The following PTPN13 variants were observed in gnomAD, a reference collection of about 807,000 sequenced individuals.
PTPN13 encodes the protein protein tyrosine phosphatase non-receptor type 13.
In PTPN13, 191 loss-of-function variants were observed where a neutral mutation model predicts 284.0. The observed-to-expected ratio is 0.67, with a 90% CI of 0.60 to 0.76. The LOEUF (loss-of-function observed/expected upper bound fraction) is 0.76. Ranked by LOEUF, PTPN13 falls within the 30% of genes least tolerant of loss-of-function variation. The pLI is 0.00. For synonymous variants in PTPN13, 986 were observed against 1,022.3 expected (o/e 0.96, Z 0.68); for missense variants, 2,797 against 2,939.9 (o/e 0.95, Z 1.12).
intron 10 of PTPN13, among the ~76,000 whole-genome samples, chr4:86,731,619 A>C (rs1162201508): frequency 6.6e-6 from 1 of 152,038 alleles, no homozygotes; most frequent in East Asian, 1.9e-4. Flanking sequence ...TTTAACTATG[A>C]CCAATTTTTT....
chr4:86,598,380 A>G (rs1764009937), intron 1 of PTPN13, among the ~76,000 whole-genome samples: 1 of 151,966 alleles, frequency 6.6e-6, no homozygotes, highest in Non-Finnish European at 1.5e-5. Flanking sequence ...CCTGACCTCA[A>G]GCGATCGGCC....
intron 35 of PTPN13, among the ~76,000 whole-genome samples, chr4:86,777,942 T>G (rs1412033143): frequency 7.8e-6 from 1 of 128,294 alleles, no homozygotes; most frequent in East Asian, 2.0e-4. Context: ...TTTGCTAACT[T>G]TAGGTCCAAC....
Position 86,784,536 on chromosome 4 carries a change from A to C in PTPN13, c.6096A>C (p.Ser2032=). 6.2e-7 allele frequency: 1 copy of C among 1,607,546 alleles called. No homozygotes were observed. The highest frequency in any genetic ancestry group is 8.5e-7 in the Non-Finnish European group (1 of 1,177,470). ...GKCSTYQIKG[S]PNLTLPKESY... ...GTTCTACTTATCAGATAAAGGGATC[A>C]CCAAACTTGACTCTGCCCAAAGGTA... Residue 2032 remains serine (S), a synonymous_variant, in exon 38 of 48, where the codon TCA becomes TCC. Transcript: ENST00000411767.
At chr4:86,614,042 G>T (rs991709570) in intron 1 of PTPN13, among the ~76,000 whole-genome samples, 1 of 152,084 alleles carries the variant, frequency 6.6e-6, no homozygotes. Context: ...TGTTTTTAAG[G>T]GTAAGGGGCT....
rs775806891 is a variant in PTPN13, at chr4:86,803,807, C to G, written c.6604C>G (p.Arg2202Gly). The change falls in exon 43 of 48, where the codon CGA becomes GGA. Residue 2202 changes from arginine to glycine, a missense_variant. Transcript: ENST00000411767. ...YTGANLKSVI[R>G]VLRGLLDQGI... is the part of the protein sequence containing the mutation. The stretch of plus-strand genomic sequence containing the variant: ...GGGTGCCAACTTAAAATCAGTCATT[C>G]GAGTCCTGCGGGGTTTGCTAGATCA... The G allele has an allele frequency of 6.2e-6, 10 of 1,613,846 alleles. No homozygotes were observed. In the East Asian group the frequency reaches 2.0e-4, roughly 32 times the overall value.
intron 44 of PTPN13, 96 bp downstream of exon 44, chr4:86,805,465 CG>C: frequency 1.8e-6 from 1 of 569,888 alleles, no homozygotes; most frequent in Non-Finnish European, 3.0e-6. Context: ...CTCACATAAC[CG>C]TGTGCATGTG....
intron 7 of PTPN13, among the ~76,000 whole-genome samples, chr4:86,709,795 C>G (rs1008055957): frequency 2.8e-4 from 43 of 152,136 alleles, no homozygotes; most frequent in African/African-American, 9.4e-4. Flanking sequence ...CACACAAGAC[C>G]CCCATAGAAG....
In PTPN13 at chr4:86,684,545, T is replaced by C. The variant is rs2148941080; in HGVS notation, c.295-2165T>C. ...TAAAAATTGAGAGCCATGAACATATTTGAAAAGTGGAACAACTTTTCTAAT... is the reference window on the plus strand; with the variant it reads ...TAAAAATTGAGAGCCATGAACATATCTGAAAAGTGGAACAACTTTTCTAAT... On this transcript the variant is annotated intron_variant, in intron 3 of 47. Coordinates refer to ENST00000411767, the MANE Select transcript of PTPN13 (RefSeq NM_080683.3). 3.3e-5 allele frequency among the ~76,000 whole-genome samples: 5 copies of C among 152,314 alleles called. No homozygotes were observed. In the Middle Eastern group the frequency reaches 0.017, roughly 518 times the overall value.
intron 17 of PTPN13, among the ~76,000 whole-genome samples, chr4:86,749,337 A>G (rs1191772179): frequency 6.6e-6 from 1 of 151,142 alleles, no homozygotes; most frequent in Non-Finnish European, 1.5e-5. Flanking sequence ...CATCATCATC[A>G]TCACCTGGCA....
rs146873587 is a variant in PTPN13, at chr4:86,715,801, G to A, written c.1196-729G>A. 3.9e-5 allele frequency among the ~76,000 whole-genome samples: 6 copies of A among 152,268 alleles called. No homozygotes were observed. In the East Asian group the frequency reaches 1.2e-3, roughly 29 times the overall value. On this transcript the variant is annotated intron_variant, in intron 7 of 47. Coordinates refer to ENST00000411767, the MANE Select transcript of PTPN13 (RefSeq NM_080683.3). ...TGCAGAAAGGGGATTTAGGAGACAG[G>A]TAGTAGTTCAGGAGTGACATGAATA...
In PTPN13 at chr4:86,689,070, T is replaced by C. The variant is rs752090566; in HGVS notation, c.426T>C (p.Ala142=). 5 of 1,594,910 alleles carry C rather than the reference T, an allele frequency of 3.1e-6. No individual in the cohort carries two copies. Among genetic ancestry groups the C allele is most frequent in the Non-Finnish European group, 4.3e-6 (5 of 1,162,628 alleles). Residue 142 remains alanine, a synonymous_variant, in exon 5 of 48, where the codon GCT becomes GCC. Transcript: ENST00000411767. ...GAATGTGTGAGGATGTTATTTACGC[T>C]CGAGTTTCTGTTCGGACTGTGCTGG... ...LLGMCEDVIY[A]RVSVRTVLDA...
In PTPN13 at chr4:86,729,050, C is replaced by A. The variant is rs1191945545; in HGVS notation, c.1609-3350C>A. 2.7e-5 allele frequency among the ~76,000 whole-genome samples: 4 copies of A among 149,306 alleles called. 1 individual carries two copies. The highest frequency in any genetic ancestry group is 6.0e-5 in the Non-Finnish European group (4 of 66,618). ...AAGGCAGGCCTGATGGTGACAAAAT[C>A]TGTCAGCATTTGCTTGTCTGTAAAG... On this transcript the variant is annotated intron_variant, in intron 10 of 47. Coordinates refer to ENST00000411767, the MANE Select transcript of PTPN13 (RefSeq NM_080683.3).
intron 5 of PTPN13, chr4:86,689,926 A>T (rs1195907603): frequency 2.0e-6 from 1 of 506,438 alleles, no homozygotes; most frequent in Admixed American, 3.4e-5. Flanking sequence ...TTCCTTGCAC[A>T]GGTTACAAAT....
At position 86,686,763 on chromosome 4, in the gene PTPN13, G is replaced by C. The variant is rs572121359; in HGVS notation, c.348G>C (p.Val116=). The C allele has an allele frequency of 6.3e-7, 1 of 1,577,682 alleles. No individual in the cohort carries two copies. Among genetic ancestry groups the C allele is most frequent in the Admixed American group, 1.8e-5 (1 of 56,070 alleles). ...TGTATTGGGGGGCTGATTATGAAGTGCCTCAGAGCCAAGTAAGTTAAGTTT... is the reference window on the plus strand; with the variant it reads ...TGTATTGGGGGGCTGATTATGAAGTCCCTCAGAGCCAAGTAAGTTAAGTTT... The part of the protein sequence containing the change: ...MTLYWGADYE[V]PQSQPIKLGD... Residue 116 remains valine, a synonymous_variant, in exon 4 of 48, where the codon GTG becomes GTC. Coordinates refer to ENST00000411767, the MANE Select transcript of PTPN13 (RefSeq NM_080683.3).
In PTPN13 at chr4:86,785,835, A is replaced by T. The variant is rs1302161056; in HGVS notation, c.6257-13A>T. On this transcript the variant is annotated splice_polypyrimidine_tract_variant and intron_variant, in intron 39 of 47. Coordinates refer to ENST00000411767, the MANE Select transcript of PTPN13 (RefSeq NM_080683.3). ...TTTATAAATTCCTCTTGGCCTATAT[A>T]TTCCTCTCTCAGGTACATTAAAGAT... 1.3e-6 allele frequency: 2 copies of T among 1,506,660 alleles called. No homozygotes were observed. The highest frequency in any genetic ancestry group is 1.8e-6 in the Non-Finnish European group (2 of 1,111,338). The allele number at this position is 1,506,660 out of a possible 1,614,324, so 93.3% of individuals were successfully genotyped here.
chr4:86,657,328 A>T (rs983651291), intron 2 of PTPN13, among the ~76,000 whole-genome samples: 1 of 152,174 alleles, frequency 6.6e-6, no homozygotes, highest in Non-Finnish European at 1.5e-5. Context: ...TGGGAGCTAT[A>T]GACTGGAGCT....
intron 35 of PTPN13, among the ~76,000 whole-genome samples, chr4:86,778,175 G>A (rs1402722018): frequency 6.6e-6 from 1 of 152,122 alleles, no homozygotes; most frequent in African/African-American, 2.4e-5. Flanking sequence ...ATGTATACTT[G>A]TGGTAATTAT....
Position 86,701,268 on chromosome 4 carries a change from A to AC in PTPN13, c.663dup (p.Ile222HisfsTer13). ...AGAAGCTCTACTTCTGATGTACTAG[A>AC]CATACAAAAGCCTCCACTCTCTCAT... is the stretch of plus-strand genomic sequence containing the variant. On this transcript the variant is annotated frameshift_variant, in exon 7 of 48. Coordinates refer to ENST00000411767, the MANE Select transcript of PTPN13 (RefSeq NM_080683.3). LOFTEE classifies it high-confidence loss of function. 1.9e-6 allele frequency: 3 copies of AC among 1,594,212 alleles called. No individual in the cohort carries two copies. In the South Asian group the frequency reaches 3.5e-5, roughly 18 times the overall value.
At chr4:86,793,793 C>T (rs995337913) in intron 40 of PTPN13, among the ~76,000 whole-genome samples, 2 of 152,012 alleles carry the variant, frequency 1.3e-5, no homozygotes, top group African/African-American at 4.8e-5. Context: ...ATAAAGATGT[C>T]CTTTGAAACC....
Sources: gnomAD v4.1 joint callset for allele counts (sites outside exome capture counted in the v4.1 genomes callset) on GRCh38, gnomAD v4.1.1 for gene constraint, MANE v1.5 for transcripts, NCBI Gene and HGNC (gene_info 2026-07-23, HGNC 2026-07-21) for gene names.